The following RIPOR3 variants were observed in gnomAD, a reference collection of about 807,000 sequenced individuals.
The protein encoded by RIPOR3 is family with sequence similarity 65 member C.
In RIPOR3, 95 loss-of-function variants were observed where a neutral mutation model predicts 114.3. The observed-to-expected ratio is 0.83, with a 90% CI of 0.70 to 0.99. The LOEUF (loss-of-function observed/expected upper bound fraction) is 0.99, where lower values mean the gene tolerates loss of function less well. Ranked by LOEUF, RIPOR3 falls within the 50% of genes least tolerant of loss-of-function variation. The pLI is 0.00. For missense variants in RIPOR3, 1,252 were observed against 1,266.9 expected (o/e 0.99, Z 0.18); for synonymous variants, 575 against 543.8 (o/e 1.06, Z -0.80).
At chr20:50,682,009 G>A (rs977833404) in intron 1 of RIPOR3, among the ~76,000 whole-genome samples, 1 of 152,188 alleles carries the variant, frequency 6.6e-6, no homozygotes, top group Non-Finnish European at 1.5e-5. Context: ...TGTAGAGGGT[G>A]GCTTGTGAAT....
chr20:50,612,949 T>C (rs1041446877), intron 4 of RIPOR3, among the ~76,000 whole-genome samples: 2 of 151,980 alleles, frequency 1.3e-5, no homozygotes, highest in African/African-American at 4.8e-5. Flanking sequence ...AAAAATTAAC[T>C]GGGCATGGTG....
intron 1 of RIPOR3, among the ~76,000 whole-genome samples, chr20:50,690,643 G>A (rs564410766): frequency 2.0e-5 from 3 of 152,202 alleles, no homozygotes; most frequent in African/African-American, 7.2e-5. Context: ...AAGCAAGTCA[G>A]AAAAACCTAG....
intron 1 of RIPOR3, among the ~76,000 whole-genome samples, chr20:50,674,692 A>G (rs2086629191): frequency 6.6e-6 from 1 of 150,854 alleles, no homozygotes; most frequent in Admixed American, 6.7e-5. Context: ...CACACTTGTA[A>G]TCCCAGGGCT....
chr20:50,587,282 G>T lies in RIPOR3; in HGVS notation c.2803C>A (p.Gln935Lys). The change falls in exon 22 of 22, where the codon CAA becomes AAA. Residue 935 changes from glutamine (Q) to lysine (K), a missense_variant. Gln to Lys is a moderately conservative substitution (Grantham distance 53, BLOSUM62 1). Transcript: ENST00000327979. ...GCCTCCTGGCAAAAGACTTCTCTTTGTTCTGAGCAGAGCTTGTCCATCTTC... is the reference window on the plus strand; with the variant it reads ...GCCTCCTGGCAAAAGACTTCTCTTTTTTCTGAGCAGAGCTTGTCCATCTTC... ...FEKMDKLCSE[Q>K]REVFCQEADV... is the part of the protein sequence containing the mutation. The T allele has an allele frequency of 6.2e-7, 1 of 1,614,216 alleles. No individual in the cohort carries two copies. The highest frequency in any genetic ancestry group is 8.5e-7 in the Non-Finnish European group (1 of 1,180,042).
intron 1 of RIPOR3, among the ~76,000 whole-genome samples, chr20:50,657,473 G>A (rs2085850990): frequency 6.6e-6 from 1 of 152,114 alleles, no homozygotes; most frequent in African/African-American, 2.4e-5. Flanking sequence ...GTTGCAGTGA[G>A]CTGAGATCAC....
In RIPOR3 at chr20:50,608,519, C is replaced by A; in HGVS notation, c.826G>T (p.Gly276Cys). The A allele has an allele frequency of 6.2e-7, 1 of 1,613,808 alleles. No homozygotes were observed. The highest frequency in any genetic ancestry group is 8.5e-7 in the Non-Finnish European group (1 of 1,179,898). ...GCACCCACAGCCAGCGAGCCCAGGCCCCGCAACTCCGTCACCTGGGGGTGG... is the reference window on the plus strand; with the variant it reads ...GCACCCACAGCCAGCGAGCCCAGGCACCGCAACTCCGTCACCTGGGGGTGG... The part of the protein sequence containing the change: ...NLDIKVTELR[G>C]LGSLAVGAVT... The change falls in exon 11 of 22, where the codon GGC becomes TGC. Residue 276 changes from glycine (G) to cysteine (C), a missense_variant. Physicochemically the swap from Gly to Cys is radical, Grantham distance 159. Transcript: ENST00000327979.
chr20:50,624,472 C>A (rs1478298864), intron 2 of RIPOR3, among the ~76,000 whole-genome samples: 4 of 152,186 alleles, frequency 2.6e-5, no homozygotes, highest in African/African-American at 9.6e-5. Context: ...TGCAGCCACA[C>A]CTGGATGCAC....
intron 2 of RIPOR3, among the ~76,000 whole-genome samples, chr20:50,629,356 G>A (rs2084737009): frequency 6.6e-6 from 1 of 152,172 alleles, no homozygotes; most frequent in Non-Finnish European, 1.5e-5. Context: ...GCCCCTTCAG[G>A]ATGTCGATAA....
chr20:50,628,140 G>A (rs1335473730), intron 2 of RIPOR3, among the ~76,000 whole-genome samples: 1 of 152,234 alleles, frequency 6.6e-6, no homozygotes, highest in Non-Finnish European at 1.5e-5. Flanking sequence ...TTCCTGGCCG[G>A]TTTATACTTA....
At chr20:50,643,988 C>T (rs992298751) in intron 1 of RIPOR3, among the ~76,000 whole-genome samples, 1 of 151,840 alleles carries the variant, frequency 6.6e-6, no homozygotes, top group Non-Finnish European at 1.5e-5. Context: ...GCTGGGATTA[C>T]AGGCGTGAGC....
intron 18 of RIPOR3, 145 bp downstream of exon 18, chr20:50,592,890 A>G (rs2083159714): frequency 1.8e-6 from 2 of 1,111,872 alleles, no homozygotes; most frequent in Non-Finnish European, 2.6e-6. Flanking sequence ...CATCGGCTGA[A>G]CGCAGAATCT....
At chr20:50,689,141 G>A (rs1169126067) in intron 1 of RIPOR3, among the ~76,000 whole-genome samples, 1 of 150,068 alleles carries the variant, frequency 6.7e-6, no homozygotes, top group Non-Finnish European at 1.5e-5. Flanking sequence ...CTCTAGGGAA[G>A]TGGTGGGGAG....
chr20:50,644,986 C>T (rs1013976858), intron 1 of RIPOR3, among the ~76,000 whole-genome samples: 1 of 151,834 alleles, frequency 6.6e-6, no homozygotes, highest in Non-Finnish European at 1.5e-5. Flanking sequence ...ATTACAAGCA[C>T]ACGCCACCAA....
intron 16 of RIPOR3, chr20:50,595,049 A>C (rs1395081216): frequency 4.1e-6 from 2 of 483,318 alleles, no homozygotes; most frequent in Non-Finnish European, 7.5e-6. Context: ...CACATTCTGC[A>C]CCTTGAATGT....
In RIPOR3 at chr20:50,597,622, G is replaced by C; in HGVS notation, c.1748C>G (p.Ala583Gly). The change falls in exon 14 of 22, where the codon GCC becomes GGC. Residue 583 changes from alanine (A) to glycine (G), a missense_variant. Physicochemically the swap from Ala to Gly is moderately conservative, Grantham distance 60 (BLOSUM62 0). Coordinates refer to ENST00000327979, the MANE Select transcript of RIPOR3 (RefSeq NM_001290268.2). ...ESFAFLNADF[A>G]LDELSLFGGS... ...CCCAAACAGGGACAGCTCATCCAGG[G>C]CGAAGTCGGCATTGAGGAAGGCGAA... 6.2e-7 allele frequency: 1 copy of C among 1,611,668 alleles called. No homozygotes were observed. Among genetic ancestry groups the C allele is most frequent in the Non-Finnish European group, 8.5e-7 (1 of 1,178,914 alleles).
intron 1 of RIPOR3, chr20:50,653,912 C>G (rs1432288283): frequency 6.6e-6 from 1 of 152,112 alleles, no homozygotes; most frequent in Non-Finnish European, 1.5e-5. Context: ...CCAGAGGTCA[C>G]TGTTATTTAA....
intron 13 of RIPOR3, among the ~76,000 whole-genome samples, chr20:50,599,349 G>A (rs2083415371): frequency 6.6e-6 from 1 of 151,414 alleles, no homozygotes; most frequent in Non-Finnish European, 1.5e-5. Flanking sequence ...CTGAGATCGT[G>A]CCACTGCACT....
chr20:50,651,285 C>T (rs2085597977), intron 1 of RIPOR3, among the ~76,000 whole-genome samples: 1 of 152,146 alleles, frequency 6.6e-6, no homozygotes, highest in Admixed American at 6.6e-5. Context: ...ACTGAATGAC[C>T]TTGGAAGTGG....
chr20:50,586,929 C>CCTT lies in RIPOR3; in HGVS notation c.*302_*303insAAG. 3.3e-6 allele frequency: 1 copy of CCTT among 302,598 alleles called. No homozygotes were observed. The highest frequency in any genetic ancestry group is 6.2e-6 in the Non-Finnish European group (1 of 161,196). 18.7% of individuals were successfully genotyped at this position (302,598 alleles called of 1,614,324 possible). ...CCTTGGCCCTTTTGTAGGTGGCCAC[C>CCTT]TAGTTTGGCTCAGCTCTGCATCTCG... On this transcript the variant is annotated 3_prime_UTR_variant, in exon 22 of 22. Coordinates refer to ENST00000327979, the MANE Select transcript of RIPOR3 (RefSeq NM_001290268.2).
Sources: gnomAD v4.1 joint callset for allele counts (sites outside exome capture counted in the v4.1 genomes callset) on GRCh38, gnomAD v4.1.1 for gene constraint, MANE v1.5 for transcripts, NCBI Gene and HGNC (gene_info 2026-07-23, HGNC 2026-07-21) for gene names.